Variants in STRIP2 observed in about 807,000 individuals in gnomAD.
STRIP2 encodes the protein striatin-interacting protein 2.
Under a neutral mutation model 107.1 loss-of-function variants are expected in STRIP2, and 84 were observed. The observed-to-expected ratio is 0.78, with a 90% CI of 0.66 to 0.94. STRIP2 has a LOEUF of 0.94. Among genes scored for constraint, STRIP2 ranks in the 40% least tolerant of loss-of-function variants. STRIP2 has a pLI of 0.00. For synonymous variants in STRIP2, 394 were observed against 400.4 expected (o/e 0.98, Z 0.19); for missense variants, 888 against 1,034.2 (o/e 0.86, Z 1.94).
chr7:129,464,194 C>G, intron 15 of STRIP2, 53 bp downstream of exon 15: 1 of 1,328,754 alleles, frequency 7.5e-7, no homozygotes, highest in Non-Finnish European at 1.1e-6. Context: ...TATCTGCAGG[C>G]TCTCTCTAGT....
Position 129,434,446 on chromosome 7 carries a change from C to G in STRIP2, c.-27C>G, listed in dbSNP as rs974079812. 1.3e-6 allele frequency: 2 copies of G among 1,489,306 alleles called. No homozygotes were observed. Among genetic ancestry groups the G allele is most frequent in the African/African-American group, 1.5e-5 (1 of 68,586 alleles). 92.3% of individuals were successfully genotyped at this position (1,489,306 alleles called of 1,614,324 possible). ...GTCGCCTCCGGCAAAGCGAGCTGAACCCTGAGGGGAGCCGCTGACCAGCAG... is the reference window on the plus strand; with the variant it reads ...GTCGCCTCCGGCAAAGCGAGCTGAAGCCTGAGGGGAGCCGCTGACCAGCAG... On this transcript the variant is annotated 5_prime_UTR_variant, in exon 1 of 21. Coordinates refer to ENST00000249344, the MANE Select transcript of STRIP2 (RefSeq NM_020704.3).
chr7:129,486,052 A>G lies in STRIP2; in HGVS notation c.*223A>G. On this transcript the variant is annotated 3_prime_UTR_variant, in exon 21 of 21. Coordinates refer to ENST00000249344, the MANE Select transcript of STRIP2 (RefSeq NM_020704.3). ...GCCTTGGAAATCTTTTGGTGGATCA[A>G]TTCTAGACAAGCTCTTTGGTAGGAC... 1.9e-6 allele frequency: 1 copy of G among 519,342 alleles called. No individual in the cohort carries two copies. The highest frequency in any genetic ancestry group is 3.5e-6 in the Non-Finnish European group (1 of 289,680). 32.2% of individuals were successfully genotyped at this position (519,342 alleles called of 1,614,324 possible).
intron 18 of STRIP2, among the ~76,000 whole-genome samples, chr7:129,477,404 C>T (rs1205914153): frequency 2.6e-5 from 4 of 152,026 alleles, no homozygotes; most frequent in African/African-American, 9.7e-5. Context: ...AAAGGAAGGA[C>T]CATGGATAAA....
chr7:129,440,143 G>A (rs757810145), intron 2 of STRIP2, 52 bp downstream of exon 2: 3 of 1,465,626 alleles, frequency 2.0e-6, no homozygotes, highest in Non-Finnish European at 2.9e-6. Flanking sequence ...GGAGGAGAGG[G>A]AAGGGGCCTG....
intron 19 of STRIP2, among the ~76,000 whole-genome samples, chr7:129,482,373 A>ATTTTTTT (rs1183916410): frequency 1.2e-5 from 1 of 84,620 alleles, no homozygotes. Flanking sequence ...ATATATATAT[A>ATTTTTTT]TATATTTTTT....
intron 5 of STRIP2, among the ~76,000 whole-genome samples, chr7:129,453,783 A>C (rs910510490): frequency 1.3e-5 from 2 of 152,212 alleles, no homozygotes; most frequent in African/African-American, 4.8e-5. Flanking sequence ...TGCTACCACT[A>C]CAGTGACCCC....
Position 129,451,543 on chromosome 7 carries a change from T to C in STRIP2, c.275-70T>C, listed in dbSNP as rs960581824. The C allele has an allele frequency of 2.6e-6, 4 of 1,559,840 alleles. No individual in the cohort carries two copies. The African/African-American group carries it at 5.4e-5, about 21-fold the overall frequency. On this transcript the variant is annotated intron_variant, in intron 3 of 20. Coordinates refer to ENST00000249344, the MANE Select transcript of STRIP2 (RefSeq NM_020704.3). ...GGGGAGCTGAGATCAGAGGTGGATA[T>C]GCTATGAGGAGCCTTTCCAGGAAGG... is the stretch of plus-strand genomic sequence containing the variant.
chr7:129,451,769 C>T, intron 4 of STRIP2, 22 bp downstream of exon 4: 3 of 1,596,724 alleles, frequency 1.9e-6, no homozygotes, highest in Non-Finnish European at 2.6e-6. Flanking sequence ...CCCTTGCTAG[C>T]TTTAGAGGGG....
chr7:129,434,754 G>T (rs1797686047), intron 1 of STRIP2, among the ~76,000 whole-genome samples, 153 bp downstream of exon 1: 1 of 152,244 alleles, frequency 6.6e-6, no homozygotes, highest in Non-Finnish European at 1.5e-5. Flanking sequence ...CTGAACTCTG[G>T]GCTCTTTGGC....
Position 129,485,993 on chromosome 7 carries a change from C to A in STRIP2, c.*164C>A. 1.4e-6 allele frequency: 1 copy of A among 738,822 alleles called. No individual in the cohort carries two copies. The highest frequency in any genetic ancestry group is 2.2e-6 in the Non-Finnish European group (1 of 463,748). 45.8% of individuals were successfully genotyped at this position (738,822 alleles called of 1,614,324 possible). A position where few individuals can be genotyped will look rare whatever the true frequency, so the allele number is the denominator to read the frequency against. On this transcript the variant is annotated 3_prime_UTR_variant, in exon 21 of 21. Transcript: ENST00000249344. ...GGATCCTGAATCACAATAAAATGAT[C>A]AACTTGCCCTGGGGTCAGTTGGGTG...
chr7:129,445,699 A>T (rs1489274962), intron 3 of STRIP2, among the ~76,000 whole-genome samples: 1 of 152,294 alleles, frequency 6.6e-6, no homozygotes, highest in East Asian at 1.9e-4. Flanking sequence ...CGTTCTATCA[A>T]TCCAGCTGCT....
chr7:129,479,487 G>GTTTTTTTTTTTTTTTTT (rs1414497297), intron 18 of STRIP2, among the ~76,000 whole-genome samples: 2 of 105,160 alleles, frequency 1.9e-5, no homozygotes, highest in Non-Finnish European at 1.9e-5. Context: ...TATAAATAAT[G>GTTTTTTTTTTTTTTTTT]TTTCTTTTTT....
intron 16 of STRIP2, among the ~76,000 whole-genome samples, chr7:129,465,850 C>A (rs1798658528): frequency 6.6e-6 from 1 of 152,168 alleles, no homozygotes; most frequent in African/African-American, 2.4e-5. Flanking sequence ...GAGGCTCTAC[C>A]CCATTTTCCT....
intron 18 of STRIP2, among the ~76,000 whole-genome samples, chr7:129,479,325 G>C (rs1443015762): frequency 2.0e-5 from 3 of 151,222 alleles, no homozygotes; most frequent in Admixed American, 1.3e-4. Flanking sequence ...AACCACACAA[G>C]ATATAACGTC....
At chr7:129,477,191 A>AGGGG (rs1398280491) in intron 18 of STRIP2, among the ~76,000 whole-genome samples, 4 of 17,146 alleles carry the variant, frequency 2.3e-4, no homozygotes, top group Non-Finnish European at 4.5e-4. Context: ...GACCGTGGGG[A>AGGGG]GAGGGAGGGG....
intron 12 of STRIP2, among the ~76,000 whole-genome samples, chr7:129,459,963 C>T (rs903712507): frequency 6.6e-6 from 1 of 152,134 alleles, no homozygotes; most frequent in African/African-American, 2.4e-5. Flanking sequence ...TCCATGCATA[C>T]GTGCACACGC....
At chr7:129,436,091 A>G (rs1285227264) in intron 1 of STRIP2, among the ~76,000 whole-genome samples, 1 of 151,950 alleles carries the variant, frequency 6.6e-6, no homozygotes, top group Non-Finnish European at 1.5e-5. Context: ...GGCACCCTGT[A>G]CCTCCTTCCC....
chr7:129,483,236 C>G lies in STRIP2; in HGVS notation c.2254+190C>G. On this transcript the variant is annotated intron_variant, in intron 20 of 20. Transcript: ENST00000249344. The surrounding 1 kb of genome is among the most constrained non-coding windows in gnomAD (Gnocchi z 5.1). ...TCAAATTCTAGTATGTACCCTTGTCCTATGTAAACTATGAAAATCCGTTTT... is the reference window on the plus strand; with the variant it reads ...TCAAATTCTAGTATGTACCCTTGTCGTATGTAAACTATGAAAATCCGTTTT... The G allele has an allele frequency of 7.8e-7, 1 of 1,284,182 alleles. No individual in the cohort carries two copies. The highest frequency in any genetic ancestry group is 9.8e-7 in the Non-Finnish European group (1 of 1,015,402). The allele number at this position is 1,284,182 out of a possible 1,614,324, so 79.5% of individuals were successfully genotyped here. A position where few individuals can be genotyped will look rare whatever the true frequency, so the allele number is the denominator to read the frequency against.
rs1416196008 is a variant in STRIP2, at chr7:129,486,438, T to C, written c.*609T>C. On this transcript the variant is annotated 3_prime_UTR_variant, in exon 21 of 21. Coordinates refer to ENST00000249344, the MANE Select transcript of STRIP2 (RefSeq NM_020704.3). ...TGTGTTGTGTAAAGTGTTTTTTTCCTCATTCTGTAAGAGATCTATATTCAA... is the reference window on the plus strand; with the variant it reads ...TGTGTTGTGTAAAGTGTTTTTTTCCCCATTCTGTAAGAGATCTATATTCAA... 1 of 154,852 alleles carries C rather than the reference T, an allele frequency of 6.5e-6. No individual in the cohort carries two copies. The highest frequency in any genetic ancestry group is 1.9e-4 in the East Asian group (1 of 5,232). The allele number at this position is 154,852 out of a possible 1,614,324, so 9.6% of individuals were successfully genotyped here.
Sources: gnomAD v4.1 joint callset for allele counts (sites outside exome capture counted in the v4.1 genomes callset) on GRCh38, gnomAD v4.1.1 for gene constraint, Gnocchi (gnomAD v3.1) non-coding constraint, MANE v1.5 for transcripts, NCBI Gene and HGNC (gene_info 2026-07-23, HGNC 2026-07-21) for gene names.